The following JMJD1C variants were observed in gnomAD, a reference collection of about 807,000 sequenced individuals.
The protein encoded by JMJD1C is jumonji domain containing 1C.
In JMJD1C, 31 loss-of-function variants were observed where a neutral mutation model predicts 245.3. The observed-to-expected ratio is 0.13, with a 90% CI of 0.09 to 0.17. The LOEUF (loss-of-function observed/expected upper bound fraction) is 0.17. Among genes scored for constraint, JMJD1C ranks in the 10% least tolerant of loss-of-function variants. The probability of loss-of-function intolerance (pLI) is 1.00; values close to 1 mark genes in which losing one functional copy is unlikely to be tolerated. For missense variants in JMJD1C, 2,691 were observed against 3,000.2 expected, an observed-to-expected ratio of 0.90 and a Z score of 2.41; for synonymous variants, 1,057 against 1,017.4, an observed-to-expected ratio of 1.04 and a Z score of -0.74.
intron 1 of JMJD1C, among the ~76,000 whole-genome samples, chr10:63,398,748 A>T (rs1408913277): frequency 6.6e-6 from 1 of 151,980 alleles, no homozygotes; most frequent in Non-Finnish European, 1.5e-5. Flanking sequence ...GGTTCGAGCG[A>T]TTCTCATGCC....
intron 2 of JMJD1C, among the ~76,000 whole-genome samples, chr10:63,335,658 C>T (rs1461374813): frequency 6.6e-6 from 1 of 152,126 alleles, no homozygotes; most frequent in Non-Finnish European, 1.5e-5. Context: ...ATTACAGGCA[C>T]CTGCCACTGC....
intron 2 of JMJD1C, among the ~76,000 whole-genome samples, chr10:63,280,513 G>C (rs913957645): frequency 6.6e-6 from 1 of 152,010 alleles, no homozygotes; most frequent in Non-Finnish European, 1.5e-5. Context: ...TGGCATCACT[G>C]CACTCCAGCC....
At chr10:63,297,351 C>T (rs145070022) in intron 2 of JMJD1C, among the ~76,000 whole-genome samples, 37 of 152,298 alleles carry the variant, frequency 2.4e-4, no homozygotes, top group African/African-American at 7.9e-4. Flanking sequence ...ACCCCGGGCT[C>T]AGCCAGGCTT....
intron 2 of JMJD1C, among the ~76,000 whole-genome samples, chr10:63,289,990 G>A (rs995066029): frequency 3.3e-5 from 5 of 151,870 alleles, no homozygotes; most frequent in African/African-American, 1.2e-4. Context: ...TTAATGAAAG[G>A]TGAACAAAAT....
intron 1 of JMJD1C, among the ~76,000 whole-genome samples, chr10:63,517,588 A>T (rs932941627): frequency 2.6e-5 from 4 of 152,164 alleles, no homozygotes; most frequent in African/African-American, 9.7e-5. Flanking sequence ...AGCACAATGT[A>T]TGAATATTAG....
Position 63,190,896 on chromosome 10 carries a change from G to A in JMJD1C, c.6289C>T (p.Pro2097Ser). The change falls in exon 17 of 26, where the codon CCA becomes TCA. Residue 2097 changes from proline (P) to serine (S), a missense_variant and splice_region_variant. Physicochemically the swap from Pro to Ser is moderately conservative, Grantham distance 74. This residue lies in a region of JMJD1C where 275 missense variants were observed against 285.5 expected (regional missense o/e 0.96). Transcript: ENST00000399262. The stretch of plus-strand genomic sequence containing the variant: ...ACCAAAAATCTGGCATCACTCACTG[G>A]GGCTCCCATTGAATATACTGGGGCA... ...AFAPVYSMGA[P>S]SSKSGRTMPN... The A allele has an allele frequency of 1.9e-6, 3 of 1,613,390 alleles. No individual in the cohort carries two copies. The highest frequency in any genetic ancestry group is 2.5e-6 in the Non-Finnish European group (3 of 1,179,454).
chr10:63,394,958 A>G (rs796122672), intron 1 of JMJD1C, among the ~76,000 whole-genome samples: 2 of 152,190 alleles, frequency 1.3e-5, no homozygotes, highest in African/African-American at 4.8e-5. Context: ...AATACTTACA[A>G]ATCACGTATT....
chr10:63,375,912 C>A (rs7076310), intron 2 of JMJD1C, among the ~76,000 whole-genome samples: 64,703 of 151,640 alleles, frequency 0.43, 14,422 homozygotes, highest in South Asian at 0.53. Flanking sequence ...ATCCAAGTGA[C>A]CTTTTTCTGG....
chr10:63,495,089 T>A (rs1428746379), intron 1 of JMJD1C, among the ~76,000 whole-genome samples: 1 of 152,158 alleles, frequency 6.6e-6, no homozygotes, highest in African/African-American at 2.4e-5. Context: ...AAGCACAGTG[T>A]TAGCGCATTT....
intron 2 of JMJD1C, among the ~76,000 whole-genome samples, chr10:63,285,134 A>C (rs1389511848): frequency 1.3e-5 from 2 of 152,190 alleles, no homozygotes; most frequent in Non-Finnish European, 1.5e-5. Context: ...CACCATTGAT[A>C]ACAAAATGTC....
intron 3 of JMJD1C, among the ~76,000 whole-genome samples, chr10:63,242,556 T>A (rs776512611): frequency 3.3e-5 from 5 of 152,080 alleles, no homozygotes; most frequent in Non-Finnish European, 7.4e-5. Flanking sequence ...ACAAACCCTG[T>A]CTCTTCTAAA....
intron 24 of JMJD1C, among the ~76,000 whole-genome samples, chr10:63,170,955 T>C (rs747735225): frequency 7.9e-5 from 12 of 152,166 alleles, no homozygotes; most frequent in Non-Finnish European, 1.8e-4. Flanking sequence ...GTTAAGAAAA[T>C]ATAATTTGTA....
chr10:63,408,726 T>A (rs1003028849), intron 1 of JMJD1C, among the ~76,000 whole-genome samples: 1 of 150,866 alleles, frequency 6.6e-6, no homozygotes, highest in Non-Finnish European at 1.5e-5. Context: ...TTTTTTTTTT[T>A]AAAGGAGTAA....
intron 22 of JMJD1C, among the ~76,000 whole-genome samples, chr10:63,182,059 C>T (rs1279143471): frequency 6.6e-6 from 1 of 152,088 alleles, no homozygotes; most frequent in Non-Finnish European, 1.5e-5. Context: ...ATAAAATTGT[C>T]AAATGTACAC....
At chr10:63,316,742 C>A (rs1345106571) in intron 2 of JMJD1C, among the ~76,000 whole-genome samples, 3 of 152,242 alleles carry the variant, frequency 2.0e-5, no homozygotes, top group African/African-American at 7.2e-5. Context: ...GCCACCACAG[C>A]TGGCCAATAT....
chr10:63,311,761 T>C (rs1381682284), intron 2 of JMJD1C, among the ~76,000 whole-genome samples: 1 of 152,080 alleles, frequency 6.6e-6, no homozygotes, highest in African/African-American at 2.4e-5. Flanking sequence ...ACAACAAATT[T>C]AGACAGTGAT....
In JMJD1C at chr10:63,378,598, A is replaced by G. The variant is rs569105747; in HGVS notation, c.333+1720T>C. 9.8e-5 allele frequency among the ~76,000 whole-genome samples: 15 copies of G among 152,342 alleles called. No individual in the cohort carries two copies. In the South Asian group the frequency reaches 3.1e-3, roughly 32 times the overall value. Reference sequence around the variant, plus strand: ...CAGAGTGAGACTCCATCTCAAAAAAACAAAAAGGCAAAGATTTTTCTAAAG... The same window carrying G: ...CAGAGTGAGACTCCATCTCAAAAAAGCAAAAAGGCAAAGATTTTTCTAAAG... On this transcript the variant is annotated intron_variant, in intron 2 of 25. Coordinates refer to ENST00000399262, the MANE Select transcript of JMJD1C (RefSeq NM_032776.3).
chr10:63,316,293 T>G (rs1423375849), intron 2 of JMJD1C, among the ~76,000 whole-genome samples: 1 of 152,236 alleles, frequency 6.6e-6, no homozygotes, highest in Admixed American at 6.5e-5. Flanking sequence ...TTCATATCTG[T>G]TTTTCCGAAA....
chr10:63,412,937 G>A (rs574025506), intron 1 of JMJD1C, among the ~76,000 whole-genome samples: 31 of 152,226 alleles, frequency 2.0e-4, no homozygotes, highest in African/African-American at 7.5e-4. Context: ...AACCCACATT[G>A]TTCAAGTGTC....
Sources: allele counts gnomAD v4.1 joint callset (sites outside exome capture counted in the v4.1 genomes callset), GRCh38; gene constraint gnomAD v4.1.1; regional missense constraint gnomAD v4.1.1; transcripts MANE v1.5; gene names NCBI Gene and HGNC (gene_info 2026-07-23, HGNC 2026-07-21).